Variants in SYNJ2 observed in about 807,000 individuals in gnomAD.
SYNJ2 encodes polyphosphatidylinositol phosphatase SYNJ2.
In SYNJ2, 116 loss-of-function variants were observed where a neutral mutation model predicts 141.3. The observed-to-expected ratio is 0.82, with a 90% confidence interval of 0.71 to 0.96. SYNJ2 has a LOEUF of 0.96. Among genes scored for constraint, SYNJ2 ranks in the 40% least tolerant of loss-of-function variants. SYNJ2 has a pLI of 0.00. For missense variants in SYNJ2, 1,873 were observed against 1,934.8 expected, an observed-to-expected ratio of 0.97 and a Z score of 0.60; for synonymous variants, 745 against 777.7, an observed-to-expected ratio of 0.96 and a Z score of 0.70.
rs397888860 is a variant in SYNJ2, at chr6:158,040,230, T to TTGA, written c.712-3086_712-3085insTGA. 4.0e-5 allele frequency among the ~76,000 whole-genome samples: 6 copies of TTGA among 151,632 alleles called. No individual in the cohort carries two copies. Among genetic ancestry groups the TTGA allele is most frequent in the African/African-American group, 1.5e-4 (6 of 40,936 alleles). ...TATGTGCATTTATGTGTTGTACATG[T>TTGA]GTGTATGTGTCATGTGCATTGTGCA... On this transcript the variant is annotated intron_variant, in intron 4 of 26. Coordinates refer to ENST00000355585, the MANE Select transcript of SYNJ2 (RefSeq NM_003898.4). The surrounding 1 kb of genome is among the most constrained non-coding windows in gnomAD (Gnocchi z 4.2).
intron 1 of SYNJ2, among the ~76,000 whole-genome samples, chr6:157,990,879 T>C (rs761802257): frequency 6.6e-6 from 1 of 152,104 alleles, no homozygotes; most frequent in Non-Finnish European, 1.5e-5. Context: ...CCTGTGTCCT[T>C]TCCCACCTCT....
chr6:158,001,313 C>T (rs1318193886), intron 1 of SYNJ2: 3 of 152,008 alleles, frequency 2.0e-5, no homozygotes, highest in Non-Finnish European at 4.4e-5. Flanking sequence ...CTCCTCAAGC[C>T]TTTCACATCT....
At chr6:158,079,826 G>A (rs933471454) in intron 18 of SYNJ2, among the ~76,000 whole-genome samples, 1 of 152,132 alleles carries the variant, frequency 6.6e-6, no homozygotes, top group Non-Finnish European at 1.5e-5. Context: ...TACATGCCAG[G>A]CCCTGTTGCT....
intron 1 of SYNJ2, among the ~76,000 whole-genome samples, chr6:157,983,887 G>A (rs1777101911): frequency 6.6e-6 from 1 of 152,048 alleles, no homozygotes; most frequent in African/African-American, 2.4e-5. Context: ...GCATGCAGTG[G>A]CACAGTCACA....
chr6:158,076,046 G>A (rs921513477), intron 16 of SYNJ2, among the ~76,000 whole-genome samples: 2 of 152,164 alleles, frequency 1.3e-5, no homozygotes, highest in Non-Finnish European at 2.9e-5. Context: ...AAATTAGCCA[G>A]GCATGATGGT....
intron 4 of SYNJ2, among the ~76,000 whole-genome samples, chr6:158,035,501 T>G (rs1445145482): frequency 6.6e-6 from 1 of 152,208 alleles, no homozygotes; most frequent in Non-Finnish European, 1.5e-5. Context: ...TGTATTGATT[T>G]TGTATTCTGA....
chr6:158,021,888 G>A (rs1186762469), intron 2 of SYNJ2, among the ~76,000 whole-genome samples: 1 of 152,228 alleles, frequency 6.6e-6, no homozygotes, highest in East Asian at 1.9e-4. Flanking sequence ...GCTCTGAGAT[G>A]ATGCAGCATT....
intron 2 of SYNJ2, among the ~76,000 whole-genome samples, chr6:158,019,817 T>C (rs1778663312): frequency 6.6e-6 from 1 of 152,226 alleles, no homozygotes; most frequent in African/African-American, 2.4e-5. Context: ...TTCAACACAT[T>C]CTGGAAAGCA....
In SYNJ2 at chr6:158,070,312, T is replaced by A. The variant is rs1781839540; in HGVS notation, c.1940+639T>A. 2.0e-6 allele frequency: 2 copies of A among 985,416 alleles called. No individual in the cohort carries two copies. Among genetic ancestry groups the A allele is most frequent in the Non-Finnish European group, 2.4e-6 (2 of 830,042 alleles). The allele number at this position is 985,416 out of a possible 1,614,324, so 61.0% of individuals were successfully genotyped here. A position where few individuals can be genotyped will look rare whatever the true frequency, so the allele number is the denominator to read the frequency against. ...GCTGGCAGCAGGCGTTGAACTGACCTCCCCACTGAGCCCCTGGGTCCCGGG... is the reference window on the plus strand; with the variant it reads ...GCTGGCAGCAGGCGTTGAACTGACCACCCCACTGAGCCCCTGGGTCCCGGG... On this transcript the variant is annotated intron_variant, in intron 14 of 26. Transcript: ENST00000355585. The surrounding 1 kb of genome is among the most constrained non-coding windows in gnomAD (Gnocchi z 4.0).
chr6:158,093,030 C>A lies in SYNJ2; in HGVS notation c.3670C>A (p.Pro1224Thr), dbSNP rs369110258. 6.2e-7 allele frequency: 1 copy of A among 1,612,300 alleles called. No individual in the cohort carries two copies. The highest frequency in any genetic ancestry group is 8.5e-7 in the Non-Finnish European group (1 of 1,179,556). The change falls in exon 26 of 27, where the codon CCC becomes ACC. Residue 1224 changes from proline (P) to threonine (T), a missense_variant. Pro to Thr is a conservative substitution (Grantham distance 38). Transcript: ENST00000355585. ...GAAKPETPQAPPLLPRRPPPR... is the reference protein window; with the variant it reads ...GAAKPETPQATPLLPRRPPPR... ...AGCCAAACCAGAGACCCCACAGGCG[C>A]CCCCACTCCTTCCCCGTCGGCCCCC... is the stretch of plus-strand genomic sequence containing the variant.
chr6:158,003,438 A>T (rs1247265873), intron 1 of SYNJ2, among the ~76,000 whole-genome samples: 2 of 152,210 alleles, frequency 1.3e-5, no homozygotes, highest in African/African-American at 4.8e-5. Context: ...TAACTCTGGA[A>T]GGAGCAGCCA....
At chr6:157,981,813 G>C, upstream of SYNJ2, 1 of 662,908 alleles carries the variant, frequency 1.5e-6, no homozygotes, top group Non-Finnish European at 2.1e-6. This position sits in a 1 kb window ranked among gnomAD's most constrained non-coding sequence, Gnocchi z 6.4. Context: ...GAGGAGGAAG[G>C]GGAGGAGGCC....
intron 6 of SYNJ2, among the ~76,000 whole-genome samples, chr6:158,058,112 C>T (rs1355434275): frequency 6.6e-6 from 1 of 152,134 alleles, no homozygotes; most frequent in Non-Finnish European, 1.5e-5. Context: ...AAAAATTCCG[C>T]TCATAAACGT....
rs1781449812 is a variant in SYNJ2 at position 158,064,688 on chromosome 6, CTGAA to C, written c.1300_1303del (p.Asn434AlafsTer4). Reference sequence around the variant, plus strand: ...GGAGTCCTTCAAAGCCATGTGGTCTCTGAATGGCCACAGCCTGAGCAAGGTGTTC... The same window carrying C: ...GGAGTCCTTCAAAGCCATGTGGTCTCTGGCCACAGCCTGAGCAAGGTGTTC... On this transcript the variant is annotated frameshift_variant, in exon 10 of 27. Coordinates refer to ENST00000355585, the MANE Select transcript of SYNJ2 (RefSeq NM_003898.4). LOFTEE classifies it high-confidence loss of function. 6.2e-7 allele frequency: 1 copy of C among 1,614,104 alleles called. No homozygotes were observed. Among genetic ancestry groups the C allele is most frequent in the Non-Finnish European group, 8.5e-7 (1 of 1,180,032 alleles).
intron 15 of SYNJ2, among the ~76,000 whole-genome samples, chr6:158,073,565 A>T (rs976258560): frequency 1.3e-5 from 2 of 152,196 alleles, no homozygotes; most frequent in Admixed American, 1.3e-4. Flanking sequence ...AATTCAAATT[A>T]ATTAAAATTA....
rs1777605678 is a variant in SYNJ2 at position 157,995,520 on chromosome 6, A to G, written c.127+13432A>G. Among the ~76,000 whole-genome samples, 3 of 152,302 alleles carry G rather than the reference A, an allele frequency of 2.0e-5. No homozygotes were observed. The South Asian group carries it at 6.2e-4, about 32-fold the overall frequency. ...TTGAGTGCGGAGGATAGGATCATAC[A>G]CTCAGGAAAGCCGAGAGCTAGATCC... On this transcript the variant is annotated intron_variant, in intron 1 of 26. Transcript: ENST00000355585.
intron 15 of SYNJ2, among the ~76,000 whole-genome samples, chr6:158,073,205 G>GT (rs1782049841): frequency 6.6e-6 from 1 of 151,314 alleles, no homozygotes; most frequent in Non-Finnish European, 1.5e-5. Flanking sequence ...CTTCTTTTTT[G>GT]TTTTTGTTTT....
At chr6:158,088,271 T>A (rs61587866) in intron 23 of SYNJ2, among the ~76,000 whole-genome samples, 45,676 of 151,636 alleles carry the variant, frequency 0.3, 7,152 homozygotes, top group Non-Finnish European at 0.34. Flanking sequence ...AGTTTCACCA[T>A]GTTGCCCAGG....
At chr6:157,996,242 C>T (rs1205973254) in intron 1 of SYNJ2, among the ~76,000 whole-genome samples, 3 of 152,202 alleles carry the variant, frequency 2.0e-5, no homozygotes, top group Admixed American at 6.5e-5. Context: ...CTTCCTCAGC[C>T]TCATCCAACC....
Sources: gnomAD v4.1 joint callset for allele counts (sites outside exome capture counted in the v4.1 genomes callset) on GRCh38, gnomAD v4.1.1 for gene constraint, Gnocchi (gnomAD v3.1) non-coding constraint, MANE v1.5 for transcripts, NCBI Gene and HGNC (gene_info 2026-07-23, HGNC 2026-07-21) for gene names.